Variants in SYT1 observed in about 807,000 individuals in gnomAD.
The protein encoded by SYT1 is synaptotagmin-1.
Under a neutral mutation model 44.8 loss-of-function variants are expected in SYT1, and 8 were observed. That is an observed-to-expected ratio of 0.18 (90% confidence interval 0.10 to 0.32). The LOEUF (loss-of-function observed/expected upper bound fraction) is 0.32, where lower values mean the gene tolerates loss of function less well. Among genes scored for constraint, SYT1 ranks in the 10% least tolerant of loss-of-function variants. The probability of loss-of-function intolerance (pLI) is 1.00; values close to 1 mark genes in which losing one functional copy is unlikely to be tolerated. For synonymous variants in SYT1, 154 were observed against 188.8 expected (o/e 0.82, Z 1.51); for missense variants, 286 against 509.3 (o/e 0.56, Z 4.22).
At chr12:79,093,533 C>T (rs1877921059) in intron 3 of SYT1, among the ~76,000 whole-genome samples, 2 of 151,558 alleles carry the variant, frequency 1.3e-5, no homozygotes, top group Admixed American at 6.6e-5. Flanking sequence ...TTTACCAGTG[C>T]ACTTTTTCTA....
chr12:79,423,178 G>A (rs1484088394), intron 9 of SYT1, among the ~76,000 whole-genome samples: 2 of 152,114 alleles, frequency 1.3e-5, no homozygotes, highest in Admixed American at 6.6e-5. Flanking sequence ...ATGTGTGTGT[G>A]TCTGTGCGCC....
At chr12:79,382,861 T>C (rs1884283238) in intron 9 of SYT1, among the ~76,000 whole-genome samples, 1 of 152,228 alleles carries the variant, frequency 6.6e-6, no homozygotes, top group Non-Finnish European at 1.5e-5. Context: ...AACTCAAATA[T>C]TGTAAAAAGG....
intron 3 of SYT1, among the ~76,000 whole-genome samples, chr12:79,142,586 A>G (rs1869628670): frequency 6.6e-6 from 1 of 152,240 alleles, no homozygotes; most frequent in Admixed American, 6.5e-5. Context: ...AAATGATGGA[A>G]TGGAATATTT....
intron 3 of SYT1, among the ~76,000 whole-genome samples, chr12:79,158,763 G>GGA (rs1011226350): frequency 1.3e-5 from 2 of 151,960 alleles, no homozygotes; most frequent in Non-Finnish European, 2.9e-5. Context: ...TGGCTGTAGT[G>GGA]GAGCACACCT....
At chr12:79,116,007 C>T (rs150585274) in intron 3 of SYT1, among the ~76,000 whole-genome samples, 1 of 152,136 alleles carries the variant, frequency 6.6e-6, no homozygotes, top group East Asian at 1.9e-4. Context: ...AGCATACAAC[C>T]TTTGAACTTA....
intron 5 of SYT1, among the ~76,000 whole-genome samples, chr12:79,286,817 A>C (rs1205955460): frequency 6.6e-6 from 1 of 152,148 alleles, no homozygotes; most frequent in Non-Finnish European, 1.5e-5. Context: ...AGAATATTTA[A>C]TTCATATTTT....
intron 1 of SYT1, among the ~76,000 whole-genome samples, chr12:78,945,174 C>T (rs1262845493): frequency 6.6e-6 from 1 of 152,084 alleles, no homozygotes; most frequent in Non-Finnish European, 1.5e-5. Flanking sequence ...CACAGCAATT[C>T]AGCTGTTTTT....
intron 9 of SYT1, among the ~76,000 whole-genome samples, chr12:79,438,540 C>T (rs73134564): frequency 7.4e-4 from 113 of 152,350 alleles, no homozygotes; most frequent in Admixed American, 1.2e-3. Context: ...GGCACCAGGC[C>T]GCAGGTGTCT....
chr12:79,394,349 T>A (rs940646008), intron 9 of SYT1, among the ~76,000 whole-genome samples: 3 of 152,122 alleles, frequency 2.0e-5, no homozygotes, highest in East Asian at 3.9e-4. Flanking sequence ...GAAGAAAAAA[T>A]TGAAAACAGT....
chr12:79,275,613 C>A (rs1306798358), intron 4 of SYT1, among the ~76,000 whole-genome samples: 2 of 152,168 alleles, frequency 1.3e-5, no homozygotes, highest in Non-Finnish European at 2.9e-5. Flanking sequence ...TGAGGTGACT[C>A]CCTCCCTCCC....
chr12:79,403,984 G>GTT (rs1885157343), intron 9 of SYT1, among the ~76,000 whole-genome samples: 1 of 152,078 alleles, frequency 6.6e-6, no homozygotes, highest in Non-Finnish European at 1.5e-5. Flanking sequence ...TAATCTGTGT[G>GTT]TTTTCATTAA....
At chr12:79,040,004 T>G (rs537219161) in intron 2 of SYT1, among the ~76,000 whole-genome samples, 68 of 151,032 alleles carry the variant, frequency 4.5e-4, no homozygotes, top group Admixed American at 7.9e-4. Flanking sequence ...TGCCACATTT[T>G]CTTAATCCAG....
intron 2 of SYT1, among the ~76,000 whole-genome samples, chr12:79,006,532 TC>T (rs1871096830): frequency 6.6e-6 from 1 of 151,188 alleles, no homozygotes. Context: ...GCTTTTCTTA[TC>T]TTTTGGCAGT....
chr12:79,443,768 G>T (rs1163134415), intron 9 of SYT1, among the ~76,000 whole-genome samples: 3 of 152,042 alleles, frequency 2.0e-5, no homozygotes, highest in Non-Finnish European at 4.4e-5. Flanking sequence ...CTTGGTTGGG[G>T]TATATATATA....
chr12:79,377,439 C>T (rs115418884), intron 9 of SYT1, among the ~76,000 whole-genome samples: 148 of 152,280 alleles, frequency 9.7e-4, no homozygotes, highest in African/African-American at 3.4e-3. Context: ...ATCTTAACCA[C>T]CAATTTATTT....
intron 1 of SYT1, among the ~76,000 whole-genome samples, chr12:78,941,905 A>G (rs1249450789): frequency 6.6e-6 from 1 of 152,162 alleles, no homozygotes; most frequent in East Asian, 1.9e-4. Context: ...CTCAGTTTCC[A>G]TTGCCATTCA....
In SYT1 at chr12:79,302,747, C is replaced by T. The variant is rs112364326; in HGVS notation, c.810+3196C>T. Among the ~76,000 whole-genome samples, 15 of 152,164 alleles carry T rather than the reference C, an allele frequency of 9.9e-5. 1 individual carries two copies. The highest frequency in any genetic ancestry group is 3.1e-4 in the African/African-American group (13 of 41,510). The stretch of plus-strand genomic sequence containing the variant: ...ACCTCACTGGTTTCCGTTCACTTGC[C>T]GGTTTGTTTTTTCAGTGATGCACGG... On this transcript the variant is annotated intron_variant, in intron 8 of 10. Transcript: ENST00000261205.
intron 1 of SYT1, among the ~76,000 whole-genome samples, chr12:78,956,627 G>A (rs942525230): frequency 4.0e-5 from 6 of 151,792 alleles, no homozygotes; most frequent in African/African-American, 1.5e-4. Context: ...AATGACATTT[G>A]TGCAGAGGTT....
At chr12:79,119,220 T>C (rs2138125057) in intron 3 of SYT1, among the ~76,000 whole-genome samples, 1 of 152,328 alleles carries the variant, frequency 6.6e-6, no homozygotes, top group South Asian at 2.1e-4. Context: ...CCTCCTGCCT[T>C]CAGTTTTAGC....
Sources: gnomAD v4.1 joint callset for allele counts (sites outside exome capture counted in the v4.1 genomes callset) on GRCh38, gnomAD v4.1.1 for gene constraint, MANE v1.5 for transcripts, NCBI Gene and HGNC (gene_info 2026-07-23, HGNC 2026-07-21) for gene names.